Variants in FGF13 observed in about 807,000 individuals in gnomAD.
FGF13 encodes the protein fibroblast growth factor 13.
Under a neutral mutation model 19.5 loss-of-function variants are expected in FGF13, and 2 were observed. The ratio of observed to expected loss-of-function variants is 0.10; its 90% CI spans 0.04 to 0.32. The LOEUF is 0.32. FGF13 is among the 10% of genes least tolerant of loss of function. The pLI, the probability that FGF13 is intolerant of heterozygous loss-of-function variation, is 1.00. For missense variants in FGF13, 113 were observed against 192.7 expected (o/e 0.59, Z 2.45); for synonymous variants, 72 against 76.9 (o/e 0.94, Z 0.33).
intron 3 of FGF13, among the ~76,000 whole-genome samples, chrX:138,833,677 G>A (rs1204117844): frequency 1.8e-5 from 2 of 111,571 alleles, no homozygotes; most frequent in Non-Finnish European, 3.8e-5. Flanking sequence ...TGCTCTGGCC[G>A]AGACGTCCAA....
intron 3 of FGF13, among the ~76,000 whole-genome samples, chrX:138,822,588 G>A (rs1216849944): frequency 8.9e-6 from 1 of 112,333 alleles, no homozygotes; most frequent in Admixed American, 9.4e-5. Context: ...GGAAGGGCAA[G>A]TGGACAGAGT....
intron 1 of FGF13, among the ~76,000 whole-genome samples, chrX:139,117,898 T>C: frequency 9.0e-6 from 1 of 111,615 alleles, no homozygotes; most frequent in African/African-American, 3.3e-5. Context: ...CCTCTTCATA[T>C]TATCTCCTTG....
chrX:138,618,594 G>A lies in FGF13; in HGVS notation c.*14256C>T, dbSNP rs1394121677. The A allele has an allele frequency of 9.0e-6, 1 of 111,600 alleles. No homozygotes were observed. The highest frequency in any genetic ancestry group is 1.9e-5 in the Non-Finnish European group (1 of 53,241). 9.2% of individuals were successfully genotyped at this position (111,600 alleles called of 1,213,427 possible). ...GCCTGAACTGTAAACCCCCGAAGCTGACACATGGGTGCTCCCAAAACTTTG... is the reference window on the plus strand; with the variant it reads ...GCCTGAACTGTAAACCCCCGAAGCTAACACATGGGTGCTCCCAAAACTTTG... On this transcript the variant is annotated 3_prime_UTR_variant, in exon 5 of 5. Coordinates refer to ENST00000315930, the MANE Select transcript of FGF13 (RefSeq NM_004114.5).
At chrX:139,074,992 G>A (rs992568108) in intron 1 of FGF13, among the ~76,000 whole-genome samples, 4 of 111,447 alleles carry the variant, frequency 3.6e-5, no homozygotes, top group Non-Finnish European at 7.5e-5. Context: ...AGTGAAGTTC[G>A]CTGATGCCCC....
At chrX:138,934,843 A>G (rs1026042640) in intron 1 of FGF13, among the ~76,000 whole-genome samples, 2 of 111,493 alleles carry the variant, frequency 1.8e-5, no homozygotes, top group African/African-American at 6.5e-5. Flanking sequence ...TATATCCAGG[A>G]TGTGAAAAGA....
intron 1 of FGF13, among the ~76,000 whole-genome samples, chrX:139,094,819 A>C (rs1379292295): frequency 2.7e-5 from 3 of 110,780 alleles, no homozygotes; most frequent in Non-Finnish European, 3.8e-5. Context: ...TGGATGAGAC[A>C]CTCCTCCTTT....
intron 1 of FGF13, among the ~76,000 whole-genome samples, chrX:139,141,485 C>A (rs1257433931): frequency 8.9e-6 from 1 of 111,745 alleles, no homozygotes; most frequent in African/African-American, 3.3e-5. Context: ...AATCCAGCAC[C>A]GTCTTATCCA....
chrX:138,708,306 A>G, intron 2 of FGF13, among the ~76,000 whole-genome samples: 1 of 112,265 alleles, frequency 8.9e-6, no homozygotes, highest in Middle Eastern at 4.6e-3. Context: ...AGAAAGAACT[A>G]AAAGAAATCC....
At chrX:139,017,482 G>A (rs1395006428) in intron 1 of FGF13, among the ~76,000 whole-genome samples, 3 of 110,060 alleles carry the variant, frequency 2.7e-5, no homozygotes, top group Non-Finnish European at 5.7e-5. Flanking sequence ...CAATAGAAAT[G>A]GGTTCAGAGG....
chrX:138,691,045 T>G (rs1348899716), intron 3 of FGF13, among the ~76,000 whole-genome samples: 1 of 111,522 alleles, frequency 9.0e-6, no homozygotes, highest in African/African-American at 3.3e-5. Flanking sequence ...GTGGACCATT[T>G]TATGCTTCGA....
At chrX:138,686,487 G>T (rs2124199815) in intron 3 of FGF13, among the ~76,000 whole-genome samples, 1 of 111,529 alleles carries the variant, frequency 9.0e-6, no homozygotes, top group East Asian at 2.8e-4. Context: ...GATCTGTAAG[G>T]TTCAGGGCTC....
chrX:138,807,380 G>C, intron 3 of FGF13, among the ~76,000 whole-genome samples: 2 of 111,309 alleles, frequency 1.8e-5, no homozygotes, highest in Middle Eastern at 9.3e-3. Flanking sequence ...ATCCTTTACA[G>C]ACAAACAAAT....
At chrX:138,863,524 C>T (rs116811015) in intron 2 of FGF13, among the ~76,000 whole-genome samples, 63 of 112,134 alleles carry the variant, frequency 5.6e-4, no homozygotes, top group African/African-American at 1.9e-3. Context: ...TGAATGTAAG[C>T]TCCCAGGACA....
At chrX:139,061,574 C>A (rs1675381403) in intron 1 of FGF13, among the ~76,000 whole-genome samples, 1 of 110,116 alleles carries the variant, frequency 9.1e-6, no homozygotes, top group Non-Finnish European at 1.9e-5. Context: ...CTACCTTGGA[C>A]TTTCCAGCCT....
chrX:138,677,845 C>T (rs1231715251), intron 3 of FGF13, among the ~76,000 whole-genome samples: 2 of 112,028 alleles, frequency 1.8e-5, no homozygotes, highest in African/African-American at 6.5e-5. Flanking sequence ...ACCCAAAGGA[C>T]TATAAATCAT....
chrX:139,020,032 A>C (rs2092171191), intron 1 of FGF13, among the ~76,000 whole-genome samples: 1 of 110,884 alleles, frequency 9.0e-6, no homozygotes, highest in African/African-American at 3.3e-5. Flanking sequence ...TAGCTGCCCT[A>C]AGATCTAGCT....
intron 1 of FGF13, among the ~76,000 whole-genome samples, chrX:139,028,636 T>A (rs12852903): frequency 1.1e-3 from 35 of 31,798 alleles, no homozygotes; most frequent in African/African-American, 5.0e-3. Flanking sequence ...AGAGAGAGAG[T>A]GTGTGTGTGT....
chrX:138,808,917 G>C (rs186007331), intron 3 of FGF13, among the ~76,000 whole-genome samples: 222 of 111,531 alleles, frequency 2.0e-3, no homozygotes, highest in Middle Eastern at 4.6e-3. Context: ...TCCCTGAATA[G>C]AACAATAACA....
rs1369389003 is a variant in FGF13, at chrX:138,626,179, TGAG to T, written c.*6668_*6670del. On this transcript the variant is annotated 3_prime_UTR_variant, in exon 5 of 5. Coordinates refer to ENST00000315930, the MANE Select transcript of FGF13 (RefSeq NM_004114.5). ...GTGGCTCATAATGTTTTTCTGGTAA[TGAG>T]GTATGATGGAATGAGGCACTGTAGA... 5.4e-5 allele frequency: 6 copies of T among 112,146 alleles called. No homozygotes were observed. Among genetic ancestry groups the T allele is most frequent in the African/African-American group, 1.9e-4 (6 of 30,842 alleles). 9.2% of individuals were successfully genotyped at this position (112,146 alleles called of 1,213,427 possible). A position where few individuals can be genotyped will look rare whatever the true frequency, so the allele number is the denominator to read the frequency against.
Sources: gnomAD v4.1 joint callset for allele counts (sites outside exome capture counted in the v4.1 genomes callset) on GRCh38, gnomAD v4.1.1 for gene constraint, MANE v1.5 for transcripts, NCBI Gene and HGNC (gene_info 2026-07-23, HGNC 2026-07-21) for gene names.